The following HEMK2 variants were observed in gnomAD, a reference collection of about 807,000 sequenced individuals.
HEMK2 encodes methyltransferase HEMK2.
the HEMK2 span, among the ~76,000 whole-genome samples, chr21:28,639,875 T>C: frequency 5.3e-5 from 8 of 152,234 alleles, no homozygotes; most frequent in East Asian, 1.5e-3. Context: ...GAGCCAATCA[T>C]CCAGTACAAA....
the HEMK2 span, among the ~76,000 whole-genome samples, chr21:28,599,698 G>A: frequency 6.6e-6 from 1 of 152,182 alleles, no homozygotes; most frequent in South Asian, 2.1e-4. Context: ...AAAGTCCACA[G>A]CCCAAAGTCT....
the HEMK2 span, among the ~76,000 whole-genome samples, chr21:28,643,198 G>T: frequency 6.6e-6 from 1 of 152,192 alleles, no homozygotes; most frequent in African/African-American, 2.4e-5. Flanking sequence ...CTGCACTATG[G>T]TCTGAATGTT....
At chr21:28,585,329 C>CTAAATAAA in the HEMK2 span, among the ~76,000 whole-genome samples, 2,046 of 141,352 alleles carry the variant, frequency 0.014, 15 homozygotes, top group Middle Eastern at 0.018. Flanking sequence ...AAGACTCTGT[C>CTAAATAAA]TAAATAAATA....
the HEMK2 span, among the ~76,000 whole-genome samples, chr21:28,736,654 A>AC: frequency 1.3e-5 from 2 of 152,140 alleles, no homozygotes; most frequent in African/African-American, 4.8e-5. Context: ...AATCCCAGCT[A>AC]CTCAGGAGGC....
At chr21:28,695,506 T>A in the HEMK2 span, among the ~76,000 whole-genome samples, 2 of 152,278 alleles carry the variant, frequency 1.3e-5, no homozygotes, top group Non-Finnish European at 2.9e-5. Context: ...AACAAAGTCA[T>A]GTCTTACATG....
At chr21:28,816,367 A>G in the HEMK2 span, among the ~76,000 whole-genome samples, 1 of 152,228 alleles carries the variant, frequency 6.6e-6, no homozygotes, top group African/African-American at 2.4e-5. Flanking sequence ...ATAAAAAATA[A>G]TAATTTTTTA....
At chr21:28,618,223 T>C in the HEMK2 span, among the ~76,000 whole-genome samples, 2 of 152,228 alleles carry the variant, frequency 1.3e-5, no homozygotes, top group Non-Finnish European at 2.9e-5. Flanking sequence ...AAATGCGACT[T>C]AAGAATTTCA....
the HEMK2 span, among the ~76,000 whole-genome samples, chr21:28,582,551 G>A: frequency 1.3e-5 from 2 of 152,090 alleles, no homozygotes; most frequent in African/African-American, 4.8e-5. Flanking sequence ...GGTCTGCCAG[G>A]GCTCTCAGTC....
the HEMK2 span, among the ~76,000 whole-genome samples, chr21:28,795,734 T>C: frequency 2.0e-5 from 3 of 152,204 alleles, no homozygotes; most frequent in Non-Finnish European, 4.4e-5. Flanking sequence ...GTTCAGGAAA[T>C]GCAAACTATC....
At chr21:28,793,758 A>G in the HEMK2 span, among the ~76,000 whole-genome samples, 3 of 152,194 alleles carry the variant, frequency 2.0e-5, no homozygotes, top group East Asian at 5.8e-4. Flanking sequence ...TGGGCCCTAA[A>G]TCTAACACAA....
At chr21:28,676,709 C>T in the HEMK2 span, among the ~76,000 whole-genome samples, 1 of 152,246 alleles carries the variant, frequency 6.6e-6, no homozygotes, top group African/African-American at 2.4e-5. Flanking sequence ...GCAGGAAGCA[C>T]ACTAGCGGAC....
the HEMK2 span, among the ~76,000 whole-genome samples, chr21:28,871,796 C>T: frequency 6.6e-6 from 1 of 152,194 alleles, no homozygotes; most frequent in African/African-American, 2.4e-5. Context: ...CCTTGCCTGC[C>T]TCTTCCAGCC....
chr21:28,605,770 T>C, the HEMK2 span, among the ~76,000 whole-genome samples: 2 of 152,206 alleles, frequency 1.3e-5, no homozygotes, highest in African/African-American at 4.8e-5. Context: ...GTATAGAAAG[T>C]GTTCATTTTA....
At chr21:28,660,391 C>A in the HEMK2 span, among the ~76,000 whole-genome samples, 1 of 151,610 alleles carries the variant, frequency 6.6e-6, no homozygotes, top group Non-Finnish European at 1.5e-5. Flanking sequence ...TACTATTTTA[C>A]TTTTACATAA....
At chr21:28,844,691 C>T in the HEMK2 span, among the ~76,000 whole-genome samples, 1 of 151,976 alleles carries the variant, frequency 6.6e-6, no homozygotes, top group African/African-American at 2.4e-5. Flanking sequence ...GAGACTAATC[C>T]CTTCCCTAAA....
chr21:28,683,860 A>T, the HEMK2 span, among the ~76,000 whole-genome samples: 5 of 152,314 alleles, frequency 3.3e-5, no homozygotes, highest in African/African-American at 1.2e-4. Flanking sequence ...CAGCCCCTAA[A>T]AGCTAACTTT....
chr21:28,580,399 C>A, the HEMK2 span, among the ~76,000 whole-genome samples: 1 of 152,064 alleles, frequency 6.6e-6, no homozygotes, highest in Non-Finnish European at 1.5e-5. Context: ...AGGGCTAGCA[C>A]GGGCAGGGCA....
the HEMK2 span, among the ~76,000 whole-genome samples, chr21:28,613,516 G>T: frequency 1.9e-3 from 281 of 151,154 alleles, no homozygotes; most frequent in Non-Finnish European, 3.0e-3. Context: ...TGTATAGAGA[G>T]ATTAAATAAC....
At chr21:28,683,151 A>T in the HEMK2 span, among the ~76,000 whole-genome samples, 1 of 151,574 alleles carries the variant, frequency 6.6e-6, no homozygotes, top group Non-Finnish European at 1.5e-5. Context: ...TTTAAAGGGG[A>T]TTTATTTCAG....
Sources: gnomAD v4.1 joint callset for allele counts (sites outside exome capture counted in the v4.1 genomes callset) on GRCh38, gnomAD v4.1.1 for gene constraint, MANE v1.5 for transcripts, NCBI Gene and HGNC (gene_info 2026-07-23, HGNC 2026-07-21) for gene names.